The following FRMD4B variants were observed in gnomAD, a reference collection of about 807,000 sequenced individuals.
FRMD4B encodes the protein FERM domain containing 4B.
FRMD4B carries 74 observed loss-of-function variants against 141.5 expected under a neutral mutation model. The observed-to-expected ratio is 0.52, with a 90% confidence interval of 0.43 to 0.63. The LOEUF (loss-of-function observed/expected upper bound fraction) is 0.63. Among genes scored for constraint, FRMD4B ranks in the 30% least tolerant of loss-of-function variants. FRMD4B has a pLI of 0.00. For synonymous variants in FRMD4B, 506 were observed against 467.9 expected, an observed-to-expected ratio of 1.08 and a Z score of -1.05; for missense variants, 1,366 against 1,253.4, an observed-to-expected ratio of 1.09 and a Z score of -1.36.
At chr3:69,410,511 T>C (rs540257554) in intron 2 of FRMD4B, among the ~76,000 whole-genome samples, 1 of 151,742 alleles carries the variant, frequency 6.6e-6, no homozygotes, top group South Asian at 2.1e-4. Flanking sequence ...GCAAGACCTG[T>C]ACAAGCTGTT....
chr3:69,363,412 C>G lies in FRMD4B; in HGVS notation c.162+22416G>C, dbSNP rs1025569212. ...CATGCCTTTTTTTTTTTTTTTGAGA[C>G]GGAGTCTTGCTCTGTTGCCCAGGCT... On this transcript the variant is annotated intron_variant, in intron 1 of 22. Coordinates refer to ENST00000398540, the MANE Select transcript of FRMD4B (RefSeq NM_015123.3). 6.6e-5 allele frequency among the ~76,000 whole-genome samples: 9 copies of G among 136,408 alleles called. No individual in the cohort carries two copies. The Admixed American group carries it at 6.9e-4, about 10-fold the overall frequency. 89.5% of individuals were successfully genotyped at this position (136,408 alleles called of 152,430 possible). A position where few individuals can be genotyped will look rare whatever the true frequency, so the allele number is the denominator to read the frequency against.
chr3:69,199,993 G>GC (rs398105992), intron 11 of FRMD4B, among the ~76,000 whole-genome samples: 1 of 530 alleles, frequency 1.9e-3, no homozygotes, highest in Non-Finnish European at 9.8e-3. Context: ...ACAGCAGAGA[G>GC]TTTCATTATA....
chr3:69,327,210 T>G (rs1452485061), intron 1 of FRMD4B, among the ~76,000 whole-genome samples: 1 of 152,228 alleles, frequency 6.6e-6, no homozygotes, highest in Non-Finnish European at 1.5e-5. Flanking sequence ...CTTTGCCAAC[T>G]GTCAGTTTTC....
intron 1 of FRMD4B, among the ~76,000 whole-genome samples, chr3:69,332,246 C>T (rs950558095): frequency 6.6e-6 from 1 of 152,250 alleles, no homozygotes; most frequent in Non-Finnish European, 1.5e-5. Flanking sequence ...GGTCTGGCCA[C>T]ATAAAACCTA....
intron 11 of FRMD4B, among the ~76,000 whole-genome samples, chr3:69,214,036 G>A (rs1310237042): frequency 6.6e-6 from 1 of 151,970 alleles, no homozygotes; most frequent in African/African-American, 2.4e-5. Context: ...CAGGAAAGCT[G>A]GATCAGTATT....
intron 1 of FRMD4B, among the ~76,000 whole-genome samples, chr3:69,440,732 T>C (rs1388838168): frequency 6.6e-6 from 1 of 152,112 alleles, no homozygotes; most frequent in African/African-American, 2.4e-5. Flanking sequence ...CGCTTGAACC[T>C]GGGAGGCAGA....
chr3:69,210,738 G>C (rs910924168), intron 11 of FRMD4B, among the ~76,000 whole-genome samples: 1 of 152,170 alleles, frequency 6.6e-6, no homozygotes, highest in African/African-American at 2.4e-5. Context: ...TGGAGGCCGG[G>C]TGTAGTGGCA....
At chr3:69,240,316 C>T (rs1013221810) in intron 7 of FRMD4B, among the ~76,000 whole-genome samples, 2 of 151,356 alleles carry the variant, frequency 1.3e-5, no homozygotes, top group African/African-American at 4.9e-5. Context: ...CCCATCTCTA[C>T]TAAAAATACA....
At chr3:69,346,447 CA>C (rs1288867113) in intron 1 of FRMD4B, among the ~76,000 whole-genome samples, 1 of 152,126 alleles carries the variant, frequency 6.6e-6, no homozygotes, top group Non-Finnish European at 1.5e-5. Flanking sequence ...CCTAGCAGGG[CA>C]GGCCAACCTT....
chr3:69,224,396 G>A (rs573952510), intron 8 of FRMD4B, among the ~76,000 whole-genome samples: 2 of 152,290 alleles, frequency 1.3e-5, no homozygotes, highest in African/African-American at 4.8e-5. Context: ...CTTTGCAAAT[G>A]ACTGCAAGAC....
chr3:69,409,231 G>A (rs1347549915), intron 2 of FRMD4B, among the ~76,000 whole-genome samples: 1 of 152,102 alleles, frequency 6.6e-6, no homozygotes, highest in Non-Finnish European at 1.5e-5. Flanking sequence ...AGCGGATTCC[G>A]GCTCAGTCTT....
In FRMD4B at chr3:69,195,048, C is replaced by T. The variant is rs1037714593; in HGVS notation, c.1462G>A (p.Asp488Asn). 11 of 1,613,738 alleles carry T rather than the reference C, an allele frequency of 6.8e-6. No homozygotes were observed. The highest frequency in any genetic ancestry group is 8.5e-6 in the Non-Finnish European group (10 of 1,179,776). Residue 488 changes from aspartate (D) to asparagine (N), a missense_variant, in exon 16 of 23, where the codon GAT (aspartate) becomes AAT (asparagine). Asp to Asn is a conservative substitution (Grantham distance 23, BLOSUM62 1). Transcript: ENST00000398540. ...TCTTCACTCGGCAGCAAGTTGTCATCTAATTTGAACGCAGTACCCACACGT... is the reference window on the plus strand; with the variant it reads ...TCTTCACTCGGCAGCAAGTTGTCATTTAATTTGAACGCAGTACCCACACGT... ...RRRVGTAFKL[D>N]DNLLPSEEDP... is the part of the protein sequence containing the mutation.
intron 7 of FRMD4B, among the ~76,000 whole-genome samples, chr3:69,225,453 A>G (rs537481224): frequency 6.7e-6 from 1 of 149,438 alleles, no homozygotes; most frequent in Admixed American, 6.9e-5. Context: ...AGGCGGGCAG[A>G]TCACAAGGTC....
At chr3:69,278,949 C>T (rs567859220) in intron 5 of FRMD4B, among the ~76,000 whole-genome samples, 7 of 152,150 alleles carry the variant, frequency 4.6e-5, no homozygotes, top group African/African-American at 1.4e-4. Flanking sequence ...GGATTTAAGG[C>T]ATGCTCAGTC....
chr3:69,171,936 C>G lies in FRMD4B; in HGVS notation c.3030G>C (p.Gln1010His). 1 of 1,612,612 alleles carries G rather than the reference C, an allele frequency of 6.2e-7. No homozygotes were observed. Among genetic ancestry groups the G allele is most frequent in the Non-Finnish European group, 8.5e-7 (1 of 1,178,600 alleles). The stretch of plus-strand genomic sequence containing the variant: ...CACTACTCTCCAGGTTGTCTTCCAG[C>G]TGGTTTCCATCTGTACCATCCAGTT... The part of the protein sequence containing the change: ...ISQLDGTDGN[Q>H]LEDNLESSEQ... The change falls in exon 23 of 23, where the codon CAG (glutamine) becomes CAC (histidine). Residue 1010 changes from glutamine (Q) to histidine (H), a missense_variant. Physicochemically the swap from Gln to His is conservative, Grantham distance 24 (BLOSUM62 0). Transcript: ENST00000398540.
At position 69,439,065 on chromosome 3, in the gene FRMD4B, G is replaced by A. The variant is rs868153981; in HGVS notation, c.-128-6304C>T. ...AGTTCGTGTGCGTGTGTGTGTATGTGTGTGTGTGTGTGTGTGCATGTGTCC... is the reference window on the plus strand; with the variant it reads ...AGTTCGTGTGCGTGTGTGTGTATGTATGTGTGTGTGTGTGTGCATGTGTCC... On this transcript the variant is annotated intron_variant, in intron 1 of 5. Coordinates refer to the FRMD4B transcript ENST00000459638. 8.9e-3 allele frequency among the ~76,000 whole-genome samples: 1,332 copies of A among 149,982 alleles called. 19 individuals are homozygous for A. The highest frequency in any genetic ancestry group is 0.03 in the African/African-American group (1,240 of 41,120).
At chr3:69,288,270 G>C (rs1474877676) in intron 4 of FRMD4B, among the ~76,000 whole-genome samples, 1 of 152,242 alleles carries the variant, frequency 6.6e-6, no homozygotes, top group Non-Finnish European at 1.5e-5. Flanking sequence ...AGGCTCGGGG[G>C]TTTTTAGACG....
Position 69,236,345 on chromosome 3 carries a change from C to T in FRMD4B, c.582-11655G>A, listed in dbSNP as rs1386083485. Among the ~76,000 whole-genome samples, 7 of 151,962 alleles carry T rather than the reference C, an allele frequency of 4.6e-5. No homozygotes were observed. In the East Asian group the frequency reaches 1.4e-3, roughly 29 times the overall value. ...CTGGGTTCAACAGATCCTCCTGCCT[C>T]AGCCTCCTGAGTAGCTGGGACTATA... On this transcript the variant is annotated intron_variant, in intron 7 of 22. Transcript: ENST00000398540.
chr3:69,247,213 T>C (rs2093431101), intron 7 of FRMD4B, among the ~76,000 whole-genome samples: 1 of 152,112 alleles, frequency 6.6e-6, no homozygotes, highest in Admixed American at 6.5e-5. Flanking sequence ...TCATGACAGT[T>C]TTATGGGAAA....
Sources: allele counts gnomAD v4.1 joint callset (sites outside exome capture counted in the v4.1 genomes callset), GRCh38; gene constraint gnomAD v4.1.1; transcripts MANE v1.5; gene names NCBI Gene and HGNC (gene_info 2026-07-23, HGNC 2026-07-21).